The following TRPM5 variants were observed in gnomAD, a reference collection of about 807,000 sequenced individuals.
TRPM5 encodes the protein transient receptor potential cation channel subfamily M member 5.
A neutral mutation model predicts 124.9 loss-of-function variants in TRPM5; 121 were observed. The ratio of observed to expected loss-of-function variants is 0.97; its 90% CI spans 0.84 to 1.13. The LOEUF (loss-of-function observed/expected upper bound fraction) is 1.13. Among genes scored for constraint, TRPM5 ranks in the 50% most tolerant of loss-of-function variants. The pLI, the probability that TRPM5 is intolerant of heterozygous loss-of-function variation, is 0.00. For synonymous variants in TRPM5, 781 were observed against 700.5 expected (o/e 1.11, Z -1.81); for missense variants, 1,643 against 1,589.1 (o/e 1.03, Z -0.58).
At chr11:2,432,182 G>A in the TRPM5 span, among the ~76,000 whole-genome samples, 93 of 152,340 alleles carry the variant, frequency 6.1e-4, no homozygotes, top group African/African-American at 2.1e-3. Context: ...GTGCCCAGGC[G>A]CTCACCTGCG....
chr11:2,405,653 G>T, intron 22 of TRPM5, 60 bp from the exon 28 acceptor site: 1 of 1,522,916 alleles, frequency 6.6e-7, no homozygotes, highest in Non-Finnish European at 8.9e-7. Context: ...CAGGGGACAG[G>T]CAGCCTCCCC....
the TRPM5 span, among the ~76,000 whole-genome samples, chr11:2,436,624 C>T: frequency 3.3e-5 from 5 of 152,184 alleles, no homozygotes; most frequent in African/African-American, 1.2e-4. Context: ...CCCAGCACTC[C>T]CACTGGGGGT....
At chr11:2,426,759 G>T (rs1298950667), upstream of TRPM5, among the ~76,000 whole-genome samples, 1 of 152,178 alleles carries the variant, frequency 6.6e-6, no homozygotes, top group Non-Finnish European at 1.5e-5. Context: ...AGATTTGGGG[G>T]AACGGCCAGT....
At chr11:2,443,239 TTTC>T in the TRPM5 span, among the ~76,000 whole-genome samples, 1 of 152,040 alleles carries the variant, frequency 6.6e-6, no homozygotes. The surrounding 1 kb of genome is among the most constrained non-coding windows in gnomAD (Gnocchi z 5.0). Flanking sequence ...AGGTATGCTT[TTTC>T]TTTCTTTATG....
chr11:2,416,872 G>A (rs940612524), intron 7 of TRPM5, among the ~76,000 whole-genome samples: 2 of 152,158 alleles, frequency 1.3e-5, no homozygotes, highest in East Asian at 1.9e-4. Context: ...CATCAACCAC[G>A]GTCTGTCCAC....
At chr11:2,417,921 C>T (rs910449662) in intron 6 of TRPM5, 92 bp from the exon 12 acceptor site, 125 of 1,276,620 alleles carry the variant, frequency 9.8e-5, no homozygotes, top group Non-Finnish European at 1.4e-4. Context: ...GCACAGGCAG[C>T]GTCCCCAGGT....
At chr11:2,414,009 G>GGGGCGCCCCCCCCCCCCCCCCCCCC in intron 12 of TRPM5, 52 bp downstream of exon 17, 3 of 1,023,734 alleles carry the variant, frequency 2.9e-6, no homozygotes. Context: ...GGCCCAGCTC[G>GGGGCGCCCCCCCCCCCCCCCCCCCC]CCCGCCCACC....
intron 11 of TRPM5, 61 bp downstream of exon 16, chr11:2,414,653 TC>T (rs1850526793): frequency 2.7e-6 from 4 of 1,475,018 alleles, no homozygotes; most frequent in Middle Eastern, 2.4e-4. Flanking sequence ...GGACCCTTCG[TC>T]CGACCCCTCC....
chr11:2,420,335 T>C (rs973347282), exon 4 of TRPM5: 3 of 1,612,638 alleles, frequency 1.9e-6, no homozygotes, highest in Middle Eastern at 3.3e-4. Flanking sequence ...GTGGGAGAGG[T>C]TGCTGTCCAG....
chr11:2,421,391 C>A (rs1350141024), intron 2 of TRPM5, among the ~76,000 whole-genome samples, 193 bp from the exon 8 acceptor site: 1 of 152,234 alleles, frequency 6.6e-6, no homozygotes, highest in Non-Finnish European at 1.5e-5. Flanking sequence ...GGCTGCTCAG[C>A]AGCAGAACTG....
intron 2 of TRPM5, 52 bp from the exon 8 acceptor site, chr11:2,421,250 AGCTGGCCCCAC>A (rs1845768938): frequency 6.6e-7 from 1 of 1,510,674 alleles, no homozygotes. Flanking sequence ...GGTCTTCCCT[AGCTGGCCCCAC>A]GCCCTAACCC....
chr11:2,435,581 G>A, the TRPM5 span, among the ~76,000 whole-genome samples: 19 of 150,108 alleles, frequency 1.3e-4, no homozygotes, highest in African/African-American at 2.2e-4. This position sits in a 1 kb window ranked among gnomAD's most constrained non-coding sequence, Gnocchi z 4.1. Context: ...CCATCTGTCT[G>A]TCCATCCATC....
intron 2 of TRPM5, 134 bp downstream of exon 7, chr11:2,422,007 C>CG (rs1705186126): frequency 1.5e-6 from 1 of 682,566 alleles, no homozygotes; most frequent in Admixed American, 5.2e-5. Context: ...TTGCCTGTGC[C>CG]GGGTGGGGGG....
chr11:2,405,896 T>C (rs1357276537), intron 22 of TRPM5, 123 bp downstream of exon 27: 3 of 922,396 alleles, frequency 3.3e-6, no homozygotes, highest in Non-Finnish European at 5.0e-6. Context: ...ACTGGGGTGC[T>C]CCTGTCCTGG....
chr11:2,440,223 C>T, the TRPM5 span, among the ~76,000 whole-genome samples: 1 of 152,146 alleles, frequency 6.6e-6, no homozygotes, highest in African/African-American at 2.4e-5. This position sits in a 1 kb window ranked among gnomAD's most constrained non-coding sequence, Gnocchi z 5.2. Context: ...TATTGGCTAC[C>T]ATTGTCACTA....
At chr11:2,410,091 G>A (rs1850414451) in intron 18 of TRPM5, among the ~76,000 whole-genome samples, 2 of 152,232 alleles carry the variant, frequency 1.3e-5, no homozygotes, top group African/African-American at 4.8e-5. Flanking sequence ...TATGGTGAGG[G>A]CGAGGTGGGG....
intron 23 of TRPM5, 29 bp downstream of exon 28, chr11:2,405,498 C>T (rs376003343): frequency 1.2e-5 from 19 of 1,550,656 alleles, no homozygotes; most frequent in Non-Finnish European, 1.5e-5. Flanking sequence ...CATGCCCACC[C>T]TCATCCCACG....
At chr11:2,441,280 G>C in the TRPM5 span, among the ~76,000 whole-genome samples, 1 of 152,144 alleles carries the variant, frequency 6.6e-6, no homozygotes, top group Non-Finnish European at 1.5e-5. The surrounding 1 kb of genome is among the most constrained non-coding windows in gnomAD (Gnocchi z 7.2). Flanking sequence ...ACAACCCTGC[G>C]GTCCTGCTCC....
At chr11:2,405,409 C>T in intron 23 of TRPM5, 118 bp downstream of exon 28, 3 of 1,118,930 alleles carry the variant, frequency 2.7e-6, no homozygotes, top group Non-Finnish European at 3.8e-6. Context: ...CCAAGGCCTC[C>T]TGAGACTCCC....
Sources: allele counts gnomAD v4.1 joint callset (sites outside exome capture counted in the v4.1 genomes callset), GRCh38; gene constraint gnomAD v4.1.1; non-coding constraint Gnocchi (gnomAD v3.1); transcripts MANE v1.5; gene names NCBI Gene and HGNC (gene_info 2026-07-23, HGNC 2026-07-21).